The following WWOX variants were observed in gnomAD, a reference collection of about 807,000 sequenced individuals.
WWOX encodes the protein WW domain containing oxidoreductase.
A neutral mutation model predicts 46.2 loss-of-function variants in WWOX; 69 were observed. That is an observed-to-expected ratio of 1.49 (90% CI 1.23 to 1.82). The LOEUF (loss-of-function observed/expected upper bound fraction) is 1.82, where lower values mean the gene tolerates loss of function less well. Among genes scored for constraint, WWOX ranks in the 40% most tolerant of loss-of-function variants. The probability of loss-of-function intolerance (pLI) is 0.00; values close to 1 mark genes in which losing one functional copy is unlikely to be tolerated. For missense variants in WWOX, 919 were observed against 542.6 expected (o/e 1.69, Z -6.89); for synonymous variants, 359 against 202.6 (o/e 1.77, Z -6.56).
chr16:78,556,811 C>G (rs2044308786), intron 8 of WWOX, among the ~76,000 whole-genome samples: 1 of 152,064 alleles, frequency 6.6e-6, no homozygotes, highest in Non-Finnish European at 1.5e-5. Context: ...CCCCCGCCCC[C>G]GGGTTCAAGC....
chr16:78,275,602 GA>G (rs1380571164), intron 5 of WWOX, among the ~76,000 whole-genome samples: 20 of 152,208 alleles, frequency 1.3e-4, no homozygotes, highest in African/African-American at 4.3e-4. Context: ...GTAGTGAGTT[GA>G]AAACAGAACA....
chr16:79,096,373 C>G (rs914889090), intron 8 of WWOX, among the ~76,000 whole-genome samples: 1 of 152,206 alleles, frequency 6.6e-6, no homozygotes, highest in Admixed American at 6.5e-5. Context: ...TCTCCCTTCC[C>G]CCATTGGCTC....
chr16:78,470,762 C>G (rs900179342), intron 8 of WWOX, among the ~76,000 whole-genome samples: 2 of 152,096 alleles, frequency 1.3e-5, no homozygotes, highest in Non-Finnish European at 2.9e-5. Flanking sequence ...CTCCTGACCT[C>G]AGGTGATTGA....
intron 5 of WWOX, among the ~76,000 whole-genome samples, chr16:78,333,798 T>C (rs984094135): frequency 6.6e-6 from 1 of 152,252 alleles, no homozygotes; most frequent in Non-Finnish European, 1.5e-5. Context: ...CGTTTTGTTT[T>C]CTTGAAGACA....
intron 7 of WWOX, 69 bp downstream of exon 7, chr16:78,425,124 T>C: frequency 1.9e-6 from 3 of 1,595,806 alleles, no homozygotes; most frequent in Non-Finnish European, 2.6e-6. Flanking sequence ...CCCAAGGCTC[T>C]CATTCTGAAA....
intron 8 of WWOX, among the ~76,000 whole-genome samples, chr16:78,498,219 G>GA (rs1008621694): frequency 4.5e-5 from 2 of 44,874 alleles, no homozygotes; most frequent in Non-Finnish European, 7.1e-5. Flanking sequence ...AAAAAAAAAA[G>GA]AAAAAAAAGC....
chr16:78,980,602 A>G (rs968969029), intron 8 of WWOX, among the ~76,000 whole-genome samples: 1 of 152,182 alleles, frequency 6.6e-6, no homozygotes, highest in Non-Finnish European at 1.5e-5. Context: ...CTATGTAGGT[A>G]TCCTGATGGT....
At chr16:78,535,045 T>C (rs796943587) in intron 8 of WWOX, 1 of 152,198 alleles carries the variant, frequency 6.6e-6, no homozygotes, top group South Asian at 2.1e-4. Context: ...TACACTGATA[T>C]CCCCGAGCAC....
chr16:78,913,728 C>G (rs1427733726), intron 8 of WWOX, among the ~76,000 whole-genome samples: 2 of 151,498 alleles, frequency 1.3e-5, no homozygotes, highest in Non-Finnish European at 2.9e-5. Flanking sequence ...ATGGTGCCAT[C>G]ATAGCTCACT....
chr16:78,551,312 T>C (rs970167617), intron 8 of WWOX: 2 of 152,194 alleles, frequency 1.3e-5, no homozygotes, highest in African/African-American at 4.8e-5. Flanking sequence ...TTCCAAACTT[T>C]TGTGTAGCAT....
chr16:78,828,194 G>A (rs1041049705), intron 8 of WWOX, among the ~76,000 whole-genome samples: 2 of 152,146 alleles, frequency 1.3e-5, no homozygotes, highest in Admixed American at 6.5e-5. Flanking sequence ...AGGAGTTGGG[G>A]GCTGAGGACT....
intron 8 of WWOX, among the ~76,000 whole-genome samples, chr16:79,059,817 A>T (rs981480374): frequency 1.3e-5 from 2 of 152,366 alleles, no homozygotes; most frequent in African/African-American, 4.8e-5. Flanking sequence ...CAGAGACAAC[A>T]TTACCCTCTT....
At chr16:78,632,219 A>G (rs1464714121) in intron 8 of WWOX, among the ~76,000 whole-genome samples, 4 of 152,136 alleles carry the variant, frequency 2.6e-5, no homozygotes, top group African/African-American at 7.2e-5. Flanking sequence ...AGCTGTTTTT[A>G]TATCTGTACA....
At chr16:78,509,864 G>A (rs1348899723) in intron 8 of WWOX, among the ~76,000 whole-genome samples, 2 of 151,276 alleles carry the variant, frequency 1.3e-5, no homozygotes, top group African/African-American at 4.9e-5. Context: ...GAGGCAGGAG[G>A]ATCACTTGAG....
chr16:78,633,542 C>T (rs1278470578), intron 8 of WWOX, among the ~76,000 whole-genome samples: 2 of 152,212 alleles, frequency 1.3e-5, no homozygotes, highest in East Asian at 1.9e-4. Context: ...CGCTGGTTTC[C>T]AACCTTTCAC....
intron 8 of WWOX, among the ~76,000 whole-genome samples, chr16:78,945,695 C>T (rs1339754688): frequency 2.0e-5 from 3 of 151,904 alleles, no homozygotes; most frequent in South Asian, 2.1e-4. Context: ...TTGTATGCCC[C>T]CCTTTCTCCC....
chr16:78,557,710 T>G, intron 8 of WWOX, among the ~76,000 whole-genome samples: 1 of 148,084 alleles, frequency 6.8e-6, no homozygotes, highest in Non-Finnish European at 1.5e-5. Flanking sequence ...TTTTTTTTTT[T>G]TTGAGACAGG....
At chr16:78,125,466 G>A (rs1246274234) in intron 4 of WWOX, among the ~76,000 whole-genome samples, 1 of 152,104 alleles carries the variant, frequency 6.6e-6, no homozygotes, top group Non-Finnish European at 1.5e-5. Context: ...ATTTAAACCC[G>A]TGAAGCCTCG....
chr16:79,180,001 T>G (rs535656813), intron 8 of WWOX, among the ~76,000 whole-genome samples: 80 of 152,314 alleles, frequency 5.3e-4, no homozygotes, highest in African/African-American at 1.7e-3. Context: ...CAGGTTTTTT[T>G]TTTCCCCTTA....
Sources: allele counts gnomAD v4.1 joint callset (sites outside exome capture counted in the v4.1 genomes callset), GRCh38; gene constraint gnomAD v4.1.1; transcripts MANE v1.5; gene names NCBI Gene and HGNC (gene_info 2026-07-23, HGNC 2026-07-21).